Variants in AFG2A observed in about 807,000 individuals in gnomAD.
The protein encoded by AFG2A is AAA ATPase AFG2A, also known as ATPase family gene 2 protein homolog A.
At chr4:123,006,129 G>A in the AFG2A span, among the ~76,000 whole-genome samples, 5 of 149,936 alleles carry the variant, frequency 3.3e-5, no homozygotes, top group East Asian at 2.0e-4. Flanking sequence ...ATCTGAAAAC[G>A]TATTTTGTTT....
At chr4:123,060,902 T>G in the AFG2A span, among the ~76,000 whole-genome samples, 1 of 152,300 alleles carries the variant, frequency 6.6e-6, no homozygotes, top group African/African-American at 2.4e-5. Context: ...GCTTAGAAAT[T>G]TCTTCCACCA....
chr4:123,004,458 C>G, the AFG2A span, among the ~76,000 whole-genome samples: 2 of 152,312 alleles, frequency 1.3e-5, no homozygotes, highest in South Asian at 2.1e-4. Flanking sequence ...TTGGCTCCTC[C>G]CCACTATTTT....
chr4:123,174,559 T>C, the AFG2A span, among the ~76,000 whole-genome samples: 1 of 152,112 alleles, frequency 6.6e-6, no homozygotes, highest in African/African-American at 2.4e-5. Flanking sequence ...TTTGTAAAAG[T>C]AATATGGAAC....
At chr4:123,120,058 C>T in the AFG2A span, among the ~76,000 whole-genome samples, 1 of 152,088 alleles carries the variant, frequency 6.6e-6, no homozygotes, top group Non-Finnish European at 1.5e-5. Flanking sequence ...ACGGAGATTA[C>T]AATTCAAGAT....
the AFG2A span, chr4:122,934,544 G>T: frequency 6.2e-7 from 1 of 1,614,032 alleles, no homozygotes; most frequent in Non-Finnish European, 8.5e-7. Context: ...GGAGCAAAGT[G>T]CAATACTGAT....
chr4:122,923,443 T>G, the AFG2A span: 2 of 1,150,918 alleles, frequency 1.7e-6, no homozygotes, highest in African/African-American at 3.1e-5. Flanking sequence ...CAGAAGCGTG[T>G]AAGACTTCTG....
chr4:123,059,455 C>T, the AFG2A span, among the ~76,000 whole-genome samples: 1 of 151,882 alleles, frequency 6.6e-6, no homozygotes, highest in African/African-American at 2.4e-5. Flanking sequence ...TTTCCAATTT[C>T]ATCCATGTCC....
At chr4:122,991,002 CAG>C in the AFG2A span, among the ~76,000 whole-genome samples, 3 of 152,216 alleles carry the variant, frequency 2.0e-5, no homozygotes, top group Admixed American at 2.0e-4. Context: ...CTGGACTCCT[CAG>C]AGTCTTTTAA....
At chr4:123,003,083 C>T in the AFG2A span, among the ~76,000 whole-genome samples, 1 of 152,192 alleles carries the variant, frequency 6.6e-6, no homozygotes, top group East Asian at 1.9e-4. Flanking sequence ...ACCCTTTCTT[C>T]CAGTTGATCG....
the AFG2A span, among the ~76,000 whole-genome samples, chr4:123,037,535 T>G: frequency 2.6e-5 from 4 of 152,092 alleles, no homozygotes; most frequent in Non-Finnish European, 5.9e-5. Flanking sequence ...GTAACATAAC[T>G]TATGAGCAAA....
chr4:123,051,010 C>T, the AFG2A span, among the ~76,000 whole-genome samples: 1 of 152,058 alleles, frequency 6.6e-6, no homozygotes, highest in South Asian at 2.1e-4. Context: ...GCTGGGATTA[C>T]AGGTGTGAGG....
the AFG2A span, among the ~76,000 whole-genome samples, chr4:123,032,083 A>G: frequency 1.3e-5 from 2 of 152,234 alleles, no homozygotes; most frequent in Non-Finnish European, 2.9e-5. Context: ...AAGAACTGTC[A>G]CTAATTCTGC....
the AFG2A span, among the ~76,000 whole-genome samples, chr4:123,114,934 T>C: frequency 6.6e-6 from 1 of 152,106 alleles, no homozygotes; most frequent in Admixed American, 6.5e-5. Context: ...TTTCAAGACA[T>C]GGTGGGGCGC....
the AFG2A span, among the ~76,000 whole-genome samples, chr4:123,232,897 A>G: frequency 6.6e-6 from 1 of 152,060 alleles, no homozygotes; most frequent in East Asian, 1.9e-4. Flanking sequence ...TAGCATCACA[A>G]TGAAATCATG....
At chr4:123,269,751 G>A in the AFG2A span, among the ~76,000 whole-genome samples, 3 of 93,034 alleles carry the variant, frequency 3.2e-5, no homozygotes, top group Admixed American at 1.2e-4. Context: ...TACATCCTTC[G>A]TCCCCCTTAA....
chr4:123,237,407 T>G, the AFG2A span, among the ~76,000 whole-genome samples: 2 of 151,726 alleles, frequency 1.3e-5, no homozygotes, highest in Non-Finnish European at 3.0e-5. Context: ...GGGCTGGGCA[T>G]GATGGCTATA....
At chr4:122,934,705 C>T in the AFG2A span, 2 of 1,593,028 alleles carry the variant, frequency 1.3e-6, no homozygotes, top group South Asian at 1.2e-5. Flanking sequence ...AATTGAATTG[C>T]CCCTCAAACA....
the AFG2A span, among the ~76,000 whole-genome samples, chr4:123,177,473 A>G: frequency 6.6e-6 from 1 of 152,090 alleles, no homozygotes; most frequent in Non-Finnish European, 1.5e-5. Flanking sequence ...GGCCTCCCAA[A>G]GTGCTGGGAT....
At chr4:123,025,841 C>A in the AFG2A span, among the ~76,000 whole-genome samples, 118 of 152,252 alleles carry the variant, frequency 7.8e-4, no homozygotes, top group African/African-American at 2.5e-3. Context: ...TGCTGCATAT[C>A]TTGTCTCATT....
Sources: allele counts gnomAD v4.1 joint callset (sites outside exome capture counted in the v4.1 genomes callset), GRCh38; gene constraint gnomAD v4.1.1; transcripts MANE v1.5; gene names NCBI Gene and HGNC (gene_info 2026-07-23, HGNC 2026-07-21).